The following BAZ2B variants were observed in gnomAD, a reference collection of about 807,000 sequenced individuals.
BAZ2B encodes the protein bromodomain adjacent to zinc finger domain protein 2B.
In BAZ2B, 91 loss-of-function variants were observed where a neutral mutation model predicts 246.0. The observed-to-expected ratio is 0.37, with a 90% confidence interval of 0.31 to 0.44. The LOEUF (loss-of-function observed/expected upper bound fraction) is 0.44. Among genes scored for constraint, BAZ2B ranks in the 20% least tolerant of loss-of-function variants. The pLI is 1.00. For missense variants in BAZ2B, 2,332 were observed against 2,533.7 expected, an observed-to-expected ratio of 0.92 and a Z score of 1.71; for synonymous variants, 855 against 860.0, an observed-to-expected ratio of 0.99 and a Z score of 0.10.
rs528103522 is a variant in BAZ2B, at chr2:159,486,093, T to G, written c.-2-7372A>C. 4.6e-5 allele frequency among the ~76,000 whole-genome samples: 7 copies of G among 152,162 alleles called. No homozygotes were observed. In the East Asian group the frequency reaches 1.3e-3, roughly 29 times the overall value. ...TAAGAGTTAAGAAAGATTTAATATC[T>G]CTATATCAACTAAATTGTAGGTATA... is the stretch of plus-strand genomic sequence containing the variant. On this transcript the variant is annotated intron_variant, in intron 2 of 36. Transcript: ENST00000392783.
chr2:159,594,655 G>A (rs969583934), intron 1 of BAZ2B, among the ~76,000 whole-genome samples: 1 of 149,282 alleles, frequency 6.7e-6, no homozygotes, highest in Non-Finnish European at 1.5e-5. Flanking sequence ...TTCTTGACAT[G>A]TAATCTTGTT....
At chr2:159,677,037 T>C in the BAZ2B span, among the ~76,000 whole-genome samples, 1 of 147,428 alleles carries the variant, frequency 6.8e-6, no homozygotes, top group Non-Finnish European at 1.5e-5. Flanking sequence ...AATAAAATTG[T>C]CAGCCCTTAT....
intron 6 of BAZ2B, among the ~76,000 whole-genome samples, chr2:159,446,310 G>A (rs1399130197): frequency 6.6e-6 from 1 of 152,206 alleles, no homozygotes; most frequent in East Asian, 1.9e-4. Context: ...AACTGGCCAT[G>A]ATGCGACAAC....
chr2:159,578,410 G>C (rs1685878683), intron 1 of BAZ2B, among the ~76,000 whole-genome samples: 1 of 149,958 alleles, frequency 6.7e-6, no homozygotes. Flanking sequence ...CCATAATGCA[G>C]AACAGAAAAT....
Position 159,428,337 on chromosome 2 carries a change from G to A in BAZ2B, c.2338C>T (p.Leu780Phe). The A allele has an allele frequency of 6.2e-7, 1 of 1,612,988 alleles. No homozygotes were observed. The highest frequency in any genetic ancestry group is 8.5e-7 in the Non-Finnish European group (1 of 1,179,488). Residue 780 changes from leucine to phenylalanine, a missense_variant, in exon 12 of 37, where the codon CTT becomes TTT. Physicochemically the swap from Leu to Phe is conservative, Grantham distance 22. Coordinates refer to ENST00000392783, the MANE Select transcript of BAZ2B (RefSeq NM_013450.4). ...TTTATTACTTCAGGGTACTGCCTAA[G>A]TTTCTTTCCACATGGAGCATAATAT... is the stretch of plus-strand genomic sequence containing the variant. ...VAYYAPCGKK[L>F]RQYPEVIKYL... is the part of the protein sequence containing the mutation.
chr2:159,348,369 A>G (rs1026698311), intron 30 of BAZ2B, among the ~76,000 whole-genome samples: 1 of 149,226 alleles, frequency 6.7e-6, no homozygotes, highest in Non-Finnish European at 1.5e-5. Flanking sequence ...CATGTAATCT[A>G]TGTACATCCT....
intron 14 of BAZ2B, among the ~76,000 whole-genome samples, chr2:159,409,285 T>C (rs2066450447): frequency 6.6e-6 from 1 of 152,204 alleles, no homozygotes; most frequent in Non-Finnish European, 1.5e-5. Flanking sequence ...TCTTTCTTAG[T>C]GTACATCTTA....
chr2:159,676,955 TATATATATATATA>T, the BAZ2B span, among the ~76,000 whole-genome samples: 632 of 25,842 alleles, frequency 0.024, 18 homozygotes, highest in South Asian at 0.16. Context: ...AGTTTTGTTA[TATATATATATATA>T]TATATATATA....
intron 2 of BAZ2B, among the ~76,000 whole-genome samples, chr2:159,502,689 C>T (rs1384862078): frequency 6.6e-6 from 1 of 152,084 alleles, no homozygotes; most frequent in Admixed American, 6.6e-5. Flanking sequence ...TGCCATTTGA[C>T]TTAATGAATT....
At chr2:159,635,731 G>A in the BAZ2B span, among the ~76,000 whole-genome samples, 1 of 151,948 alleles carries the variant, frequency 6.6e-6, no homozygotes, top group Admixed American at 6.6e-5. Context: ...CTTTAAACAG[G>A]AGTCTTTTTT....
chr2:159,480,712 T>C (rs1027699974), intron 2 of BAZ2B, among the ~76,000 whole-genome samples: 2 of 152,248 alleles, frequency 1.3e-5, no homozygotes, highest in African/African-American at 4.8e-5. Flanking sequence ...GCTAGTAGTA[T>C]AGGCTGGGGC....
At chr2:159,425,803 A>T (rs997962633) in intron 13 of BAZ2B, among the ~76,000 whole-genome samples, 1 of 152,224 alleles carries the variant, frequency 6.6e-6, no homozygotes, top group Non-Finnish European at 1.5e-5. Flanking sequence ...TTACTATAAC[A>T]AAATTATATA....
chr2:159,509,459 T>G (rs1277440497), intron 2 of BAZ2B, among the ~76,000 whole-genome samples: 1 of 152,206 alleles, frequency 6.6e-6, no homozygotes, highest in East Asian at 1.9e-4. Context: ...TATTTACACA[T>G]ACATATGTTT....
At chr2:159,588,641 C>T (rs1336922809) in intron 1 of BAZ2B, among the ~76,000 whole-genome samples, 1 of 152,174 alleles carries the variant, frequency 6.6e-6, no homozygotes, top group Non-Finnish European at 1.5e-5. Context: ...CCTGCAGACT[C>T]AATGTCAATA....
chr2:159,348,160 A>C (rs2058155348), intron 30 of BAZ2B, among the ~76,000 whole-genome samples: 1 of 151,684 alleles, frequency 6.6e-6, no homozygotes, highest in Admixed American at 6.6e-5. Context: ...CTCTACAAAA[A>C]ATAAAAAAAA....
chr2:159,559,019 T>A (rs1221072991), intron 1 of BAZ2B, among the ~76,000 whole-genome samples: 2 of 152,050 alleles, frequency 1.3e-5, no homozygotes, highest in Non-Finnish European at 2.9e-5. Flanking sequence ...GCAAGCAGAT[T>A]GCTTGAGCCC....
intron 1 of BAZ2B, among the ~76,000 whole-genome samples, chr2:159,565,423 TAG>T (rs1378836241): frequency 6.6e-6 from 1 of 152,094 alleles, no homozygotes; most frequent in East Asian, 1.9e-4. Context: ...TGACATGATC[TAG>T]AGAGAGAAAA....
intron 36 of BAZ2B, among the ~76,000 whole-genome samples, chr2:159,321,004 T>C (rs1042989600): frequency 6.6e-6 from 1 of 152,216 alleles, no homozygotes; most frequent in African/African-American, 2.4e-5. Context: ...AACAAGCATA[T>C]GCTATCTTTC....
chr2:159,476,586 T>C (rs970211041), intron 3 of BAZ2B, among the ~76,000 whole-genome samples: 3 of 152,168 alleles, frequency 2.0e-5, no homozygotes, highest in African/African-American at 7.2e-5. Flanking sequence ...TGTCACTAAT[T>C]CAGAAAACCA....
Sources: gnomAD v4.1 joint callset for allele counts (sites outside exome capture counted in the v4.1 genomes callset) on GRCh38, gnomAD v4.1.1 for gene constraint, MANE v1.5 for transcripts, NCBI Gene and HGNC (gene_info 2026-07-23, HGNC 2026-07-21) for gene names.